The following NAA15 variants were observed in gnomAD, a reference collection of about 807,000 sequenced individuals.
NAA15 encodes N-alpha-acetyltransferase 15, NatA auxiliary subunit.
A neutral mutation model predicts 114.0 loss-of-function variants in NAA15; 34 were observed. The observed-to-expected ratio is 0.30, with a 90% confidence interval of 0.23 to 0.40. The LOEUF is 0.40. Among genes scored for constraint, NAA15 ranks in the 10% least tolerant of loss-of-function variants. The pLI, the probability that NAA15 is intolerant of heterozygous loss-of-function variation, is 1.00. For synonymous variants in NAA15, 340 were observed against 338.0 expected (o/e 1.01, Z -0.06); for missense variants, 658 against 1,004.5 (o/e 0.66, Z 4.66).
chr4:139,318,088 A>G (rs1202989427), intron 1 of NAA15, among the ~76,000 whole-genome samples: 1 of 152,204 alleles, frequency 6.6e-6, no homozygotes, highest in African/African-American at 2.4e-5. Context: ...CATATATGTA[A>G]TTTTCACTTC....
intron 3 of NAA15, among the ~76,000 whole-genome samples, chr4:139,337,411 A>G (rs1270461678): frequency 1.3e-5 from 2 of 152,120 alleles, no homozygotes; most frequent in Non-Finnish European, 2.9e-5. Context: ...CTTAGGTTCA[A>G]AACCCATTTC....
chr4:139,339,760 AAAC>A (rs542388720), intron 3 of NAA15, among the ~76,000 whole-genome samples: 34 of 151,992 alleles, frequency 2.2e-4, no homozygotes, highest in East Asian at 1.4e-3. Context: ...AAAAACAAAC[AAAC>A]AACAACAACA....
chr4:139,385,759 C>T lies in NAA15; in HGVS notation c.2303-374C>T, dbSNP rs533148779. On this transcript the variant is annotated intron_variant, in intron 18 of 19. Coordinates refer to ENST00000296543, the MANE Select transcript of NAA15 (RefSeq NM_057175.5). ...GCTCACACTGTTGAGATAGGATAGTCCCCCAACCTCCACATTATTCTGCTT... is the reference window on the plus strand; with the variant it reads ...GCTCACACTGTTGAGATAGGATAGTTCCCCAACCTCCACATTATTCTGCTT... Among the ~76,000 whole-genome samples, 15 of 152,258 alleles carry T rather than the reference C, an allele frequency of 9.9e-5. No homozygotes were observed. The South Asian group carries it at 3.1e-3, about 32-fold the overall frequency.
intron 17 of NAA15, among the ~76,000 whole-genome samples, chr4:139,382,114 A>T (rs11736186): frequency 0.9 from 136,988 of 152,190 alleles, 61,762 homozygotes; most frequent in East Asian, 0.95. Flanking sequence ...TCTGTGACAT[A>T]TGATGTTGCT....
At chr4:139,349,316 A>G in intron 6 of NAA15, 146 bp from the exon 7 acceptor site, 1 of 630,306 alleles carries the variant, frequency 1.6e-6, no homozygotes, top group South Asian at 2.7e-5. Context: ...TTGGTAAATG[A>G]TCTTAAGGGA....
chr4:139,306,512 G>C (rs917688414), intron 1 of NAA15, among the ~76,000 whole-genome samples: 1 of 152,012 alleles, frequency 6.6e-6, no homozygotes, highest in African/African-American at 2.4e-5. Flanking sequence ...TGGGATTACA[G>C]GCATGAGCCA....
intron 1 of NAA15, among the ~76,000 whole-genome samples, chr4:139,321,768 C>G (rs942056992): frequency 6.6e-6 from 1 of 151,800 alleles, no homozygotes; most frequent in African/African-American, 2.4e-5. Context: ...CAGGTGTGAG[C>G]CACCGTGCCT....
At chr4:139,341,949 T>C (rs1249305962) in intron 4 of NAA15, among the ~76,000 whole-genome samples, 1 of 152,100 alleles carries the variant, frequency 6.6e-6, no homozygotes, top group African/African-American at 2.4e-5. Flanking sequence ...CTTGAACTCC[T>C]GAGCTCAGGC....
At position 139,323,223 on chromosome 4, in the gene NAA15, A is replaced by T. The variant is rs752996199; in HGVS notation, c.55-10951A>T. ...AGGCGCCTGCCACCATGCCCAGCTA[A>T]TTGTTGTATTTTTAGTAGAGATGTG... is the stretch of plus-strand genomic sequence containing the variant. On this transcript the variant is annotated intron_variant, in intron 1 of 19. Transcript: ENST00000296543. Among the ~76,000 whole-genome samples the T allele has an allele frequency of 8.6e-5, 13 of 151,316 alleles. No homozygotes were observed. In the South Asian group the frequency reaches 2.3e-3, roughly 27 times the overall value.
chr4:139,321,477 T>TC, intron 1 of NAA15, among the ~76,000 whole-genome samples: 1 of 148,526 alleles, frequency 6.7e-6, no homozygotes, highest in East Asian at 2.0e-4. Flanking sequence ...ATTTGTTTTT[T>TC]TTTTTTTTTT....
At chr4:139,356,304 C>G (rs1245461552) in intron 10 of NAA15, among the ~76,000 whole-genome samples, 1 of 152,174 alleles carries the variant, frequency 6.6e-6, no homozygotes, top group East Asian at 1.9e-4. Context: ...ATTGCTGCCA[C>G]TGCAGATCTG....
intron 1 of NAA15, among the ~76,000 whole-genome samples, chr4:139,320,344 C>G (rs548415077): frequency 2.6e-5 from 4 of 152,248 alleles, no homozygotes; most frequent in South Asian, 2.1e-4. Context: ...AGTCTGGTGC[C>G]TGAACGGAGT....
At chr4:139,354,775 C>T (rs917582958) in intron 10 of NAA15, among the ~76,000 whole-genome samples, 2 of 152,178 alleles carry the variant, frequency 1.3e-5, no homozygotes, top group African/African-American at 4.8e-5. Context: ...TGTTCTGAAG[C>T]AGATCCAAAC....
intron 1 of NAA15, among the ~76,000 whole-genome samples, chr4:139,310,367 T>A (rs922141063): frequency 6.9e-6 from 1 of 144,708 alleles, no homozygotes; most frequent in Admixed American, 7.0e-5. Context: ...GGCAGGAGAA[T>A]GGCGTGAACC....
In NAA15 at chr4:139,389,328, T is replaced by C. The variant is rs889090839; in HGVS notation, c.*1244T>C. The C allele has an allele frequency of 2.0e-5, 3 of 152,444 alleles. No individual in the cohort carries two copies. Among genetic ancestry groups the C allele is most frequent in the Admixed American group, 2.0e-4 (3 of 15,248 alleles). 9.4% of individuals were successfully genotyped at this position (152,444 alleles called of 1,614,324 possible). A position where few individuals can be genotyped will look rare whatever the true frequency, so the allele number is the denominator to read the frequency against. ...TAAATTGTTTTGAAAAACAGTTGTG[T>C]GAATATTTCAACTAATCTGTGTTGG... On this transcript the variant is annotated 3_prime_UTR_variant, in exon 20 of 20. Transcript: ENST00000296543.
chr4:139,343,248 G>A (rs1417739606), intron 5 of NAA15, among the ~76,000 whole-genome samples: 1 of 152,118 alleles, frequency 6.6e-6, no homozygotes, highest in Non-Finnish European at 1.5e-5. Context: ...ATGCTTTAGT[G>A]TGTATTTTCT....
chr4:139,381,435 C>T (rs1337765726), intron 17 of NAA15, among the ~76,000 whole-genome samples: 1 of 152,020 alleles, frequency 6.6e-6, no homozygotes, highest in Non-Finnish European at 1.5e-5. Context: ...TCTTTTTCCT[C>T]TCCCATTTGC....
intron 1 of NAA15, among the ~76,000 whole-genome samples, chr4:139,310,007 C>T (rs528636229): frequency 5.3e-5 from 8 of 152,140 alleles, no homozygotes; most frequent in African/African-American, 1.7e-4. Flanking sequence ...GCATGGTGCT[C>T]GGTGTGATTG....
At chr4:139,364,089 T>G (rs1748209721) in intron 14 of NAA15, among the ~76,000 whole-genome samples, 1 of 152,200 alleles carries the variant, frequency 6.6e-6, no homozygotes, top group South Asian at 2.1e-4. Context: ...TTGCCCAGGC[T>G]TGTCTTGAGC....
Sources: gnomAD v4.1 joint callset for allele counts (sites outside exome capture counted in the v4.1 genomes callset) on GRCh38, gnomAD v4.1.1 for gene constraint, MANE v1.5 for transcripts, NCBI Gene and HGNC (gene_info 2026-07-23, HGNC 2026-07-21) for gene names.